The following HIGD1C variants were observed in gnomAD, a reference collection of about 807,000 sequenced individuals.
HIGD1C encodes the protein HIG1 hypoxia inducible domain family member 1C, also known as HIG1 domain family member 1C.
A neutral mutation model predicts 13.1 loss-of-function variants in HIGD1C; 11 were observed. The observed-to-expected ratio is 0.84, with a 90% CI of 0.53 to 1.39. The LOEUF (loss-of-function observed/expected upper bound fraction) is 1.39, where lower values mean the gene tolerates loss of function less well. HIGD1C is among the 40% of genes most tolerant of loss of function. HIGD1C has a pLI of 0.00. For missense variants in HIGD1C, 110 were observed against 112.0 expected, an observed-to-expected ratio of 0.98 and a Z score of 0.08; for synonymous variants, 36 against 37.7, an observed-to-expected ratio of 0.95 and a Z score of 0.17.
At chr12:50,950,149 T>C (rs1473919326), upstream of HIGD1C, among the ~76,000 whole-genome samples, 2 of 152,000 alleles carry the variant, frequency 1.3e-5, no homozygotes, top group African/African-American at 4.8e-5. Context: ...CAGACATGGG[T>C]GCAGTCAAAT....
At chr12:50,938,981 T>A in the HIGD1C span, among the ~76,000 whole-genome samples, 1 of 152,144 alleles carries the variant, frequency 6.6e-6, no homozygotes, top group South Asian at 2.1e-4. Flanking sequence ...GCAATTTTCC[T>A]GGGGTACAAA....
At chr12:50,942,720 C>T in the HIGD1C span, among the ~76,000 whole-genome samples, 26 of 152,096 alleles carry the variant, frequency 1.7e-4, no homozygotes, top group African/African-American at 4.6e-4. Context: ...AAAAATTAGC[C>T]GGGCATGGTG....
At chr12:50,951,415 T>C (rs943692363), upstream of HIGD1C, among the ~76,000 whole-genome samples, 4 of 152,184 alleles carry the variant, frequency 2.6e-5, no homozygotes, top group African/African-American at 9.7e-5. Flanking sequence ...TGTTAAACAT[T>C]TGTCAGCACC....
intron 2 of HIGD1C, among the ~76,000 whole-genome samples, 179 bp from the exon 5 acceptor site, chr12:50,970,263 T>G (rs1321715011): frequency 6.6e-6 from 1 of 152,236 alleles, no homozygotes; most frequent in African/African-American, 2.4e-5. Context: ...CCTAGAGTTT[T>G]GTTTTTTGTT....
upstream of HIGD1C, among the ~76,000 whole-genome samples, chr12:50,948,946 A>AGGG (rs1938844930): frequency 1.4e-5 from 1 of 69,628 alleles, no homozygotes; most frequent in Non-Finnish European, 2.5e-5. Flanking sequence ...GAGGAGGAGG[A>AGGG]GGAGGAGACA....
the HIGD1C span, among the ~76,000 whole-genome samples, chr12:50,945,730 C>T: frequency 6.6e-6 from 1 of 152,214 alleles, no homozygotes; most frequent in Non-Finnish European, 1.5e-5. Context: ...GGAAAAACTA[C>T]TTTAAAGTTC....
chr12:50,961,484 C>A (rs1029308360), intron 2 of HIGD1C, among the ~76,000 whole-genome samples: 1 of 151,542 alleles, frequency 6.6e-6, no homozygotes, highest in Admixed American at 6.6e-5. Flanking sequence ...ATCTGAACAG[C>A]AAATGTAGTT....
chr12:50,962,777 G>A (rs1171190323), intron 2 of HIGD1C, among the ~76,000 whole-genome samples: 2 of 152,158 alleles, frequency 1.3e-5, no homozygotes, highest in Non-Finnish European at 2.9e-5. Flanking sequence ...GAGGCCAGAG[G>A]AGGCTTCTTT....
At chr12:50,948,865 A>G in the HIGD1C span, among the ~76,000 whole-genome samples, 2 of 9,010 alleles carry the variant, frequency 2.2e-4, no homozygotes, top group African/African-American at 1.3e-3. Flanking sequence ...AGCGAGGAGG[A>G]GGGGGGAGGG....
the HIGD1C span, among the ~76,000 whole-genome samples, chr12:50,941,170 T>C: frequency 1.3e-5 from 2 of 152,028 alleles, no homozygotes; most frequent in Non-Finnish European, 2.9e-5. Flanking sequence ...TCATTTTTAG[T>C]AGAGATGGGG....
At chr12:50,963,033 C>A (rs1214952452) in intron 2 of HIGD1C, among the ~76,000 whole-genome samples, 1 of 151,628 alleles carries the variant, frequency 6.6e-6, no homozygotes, top group East Asian at 1.9e-4. Flanking sequence ...CTTATGAAAT[C>A]TGGAGCTGGG....
chr12:50,950,189 C>T (rs1329751986), upstream of HIGD1C, among the ~76,000 whole-genome samples: 1 of 152,084 alleles, frequency 6.6e-6, no homozygotes, highest in Non-Finnish European at 1.5e-5. Flanking sequence ...TGCTGATGGG[C>T]CAGCGTCTTC....
At chr12:50,948,548 A>C in the HIGD1C span, among the ~76,000 whole-genome samples, 1 of 151,904 alleles carries the variant, frequency 6.6e-6, no homozygotes, top group East Asian at 2.0e-4. Context: ...CACTTCTGGG[A>C]ATTTACCCTG....
chr12:50,942,301 G>A, the HIGD1C span, among the ~76,000 whole-genome samples: 1 of 152,132 alleles, frequency 6.6e-6, no homozygotes, highest in Non-Finnish European at 1.5e-5. Context: ...AACCATTTCT[G>A]TTACTGGAAC....
At chr12:50,956,487 G>A (rs1247551635) in intron 1 of HIGD1C, among the ~76,000 whole-genome samples, 1 of 152,142 alleles carries the variant, frequency 6.6e-6, no homozygotes, top group African/African-American at 2.4e-5. Flanking sequence ...AGGATGGAGG[G>A]TCCTATGCAG....
chr12:50,950,596 G>C (rs981021882), upstream of HIGD1C, among the ~76,000 whole-genome samples: 1 of 151,462 alleles, frequency 6.6e-6, no homozygotes, highest in African/African-American at 2.4e-5. Context: ...TCCACCTCCT[G>C]AGTTCAAGCA....
In HIGD1C at chr12:50,961,119, G is replaced by C. The variant is rs182661; in HGVS notation, c.229+17G>C. The C allele has an allele frequency of 2.8e-3, 4,587 of 1,612,470 alleles. 116 individuals are homozygous for C. The African/African-American group carries it at 0.054, about 19-fold the overall frequency. On this transcript the variant is annotated intron_variant, in intron 2 of 2. Coordinates refer to ENST00000398455, the Ensembl canonical transcript of HIGD1C. ...TGACTCTAGGTAACCCGCTTAATTT[G>C]TATCTTATGTTCAGCTGTCTTTGAG...
upstream of HIGD1C, chr12:50,949,289 C>T (rs563604052): frequency 1.3e-5 from 2 of 154,080 alleles, no homozygotes; most frequent in African/African-American, 4.8e-5. Context: ...GGAAATTTGC[C>T]TTGCCTTTGT....
intron 1 of HIGD1C, among the ~76,000 whole-genome samples, chr12:50,957,937 GGTGTGTGTGTGTGTGTGTGTGT>G (rs71089717): frequency 0.1 from 13,658 of 132,492 alleles, 981 homozygotes; most frequent in African/African-American, 0.21. Flanking sequence ...ATGAATTGGA[GGTGTGTGTGTGTGTGTGTGTGT>G]GTGTGTGTGT....
Sources: allele counts gnomAD v4.1 joint callset (sites outside exome capture counted in the v4.1 genomes callset), GRCh38; gene constraint gnomAD v4.1.1; transcripts MANE v1.5; gene names NCBI Gene and HGNC (gene_info 2026-07-23, HGNC 2026-07-21).